The following HAL variants were observed in gnomAD, a reference collection of about 807,000 sequenced individuals.
The protein encoded by HAL is histidine ammonia-lyase.
In HAL, 85 loss-of-function variants were observed where a neutral mutation model predicts 81.1. That is an observed-to-expected ratio of 1.05 (90% CI 0.88 to 1.25). The LOEUF is 1.25. Among genes scored for constraint, HAL ranks in the 50% most tolerant of loss-of-function variants. HAL has a pLI of 0.00. For missense variants in HAL, 798 were observed against 836.6 expected, an observed-to-expected ratio of 0.95 and a Z score of 0.57; for synonymous variants, 301 against 309.2, an observed-to-expected ratio of 0.97 and a Z score of 0.28.
At chr12:95,981,547 C>G (rs1257961351) in intron 15 of HAL, among the ~76,000 whole-genome samples, 1 of 152,226 alleles carries the variant, frequency 6.6e-6, no homozygotes, top group Non-Finnish European at 1.5e-5. Flanking sequence ...CGACCTCTGC[C>G]TCCCGGGTTC....
At chr12:95,978,939 C>G (rs1038137955) in intron 17 of HAL, among the ~76,000 whole-genome samples, 1 of 152,136 alleles carries the variant, frequency 6.6e-6, no homozygotes, top group Admixed American at 6.6e-5. Flanking sequence ...GGTCATGCTA[C>G]TTTGTCAAGG....
rs554952954 is a variant in HAL, at chr12:95,993,705, C to T, written c.551+67G>A. On this transcript the variant is annotated intron_variant, in intron 7 of 20. Coordinates refer to ENST00000261208, the MANE Select transcript of HAL (RefSeq NM_002108.4). The stretch of plus-strand genomic sequence containing the variant: ...AATTGGGGCAAATGTGAATTATTTC[C>T]CTTGTTGAAAAATATTTAAAAGATG... The T allele has an allele frequency of 1.4e-4, 141 of 977,342 alleles. No homozygotes were observed. In the East Asian group the frequency reaches 3.3e-3, roughly 23 times the overall value. The allele number at this position is 977,342 out of a possible 1,614,324, so 60.5% of individuals were successfully genotyped here.
In HAL at chr12:95,995,928, AGGTCCTCAGCT is replaced by A; in HGVS notation, c.-29_-19del. On this transcript the variant is annotated 5_prime_UTR_variant, in exon 2 of 21. Coordinates refer to ENST00000261208, the MANE Select transcript of HAL (RefSeq NM_002108.4). ...CTGGGCATGGCTCCGCTGCAGCCTG[AGGTCCTCAGCT>A]GGTCACAGGAGGGGAGAGCTTTATG... 15 of 1,601,076 alleles carry A rather than the reference AGGTCCTCAGCT, an allele frequency of 9.4e-6. No homozygotes were observed. The highest frequency in any genetic ancestry group is 4.0e-5 in the African/African-American group (3 of 75,046).
At chr12:95,977,379 T>C (rs1216625927) in intron 18 of HAL, among the ~76,000 whole-genome samples, 4 of 141,156 alleles carry the variant, frequency 2.8e-5, no homozygotes, top group Admixed American at 2.4e-4. Flanking sequence ...GTTTTAAAAG[T>C]CTCATTAAAA....
At position 95,980,570 on chromosome 12, in the gene HAL, G is replaced by C. The variant is rs781581441; in HGVS notation, c.1505C>G (p.Thr502Arg). ...AGTGTCCTTACCAAGGGCTGCTGCC[G>C]TGCAGTGAGCTATCATGAACCCAGA... ...LNSGFMIAHC[T>R]AAALVSENKA... Residue 502 changes from threonine to arginine, a missense_variant, in exon 17 of 21, where the codon ACG (threonine) becomes AGG (arginine). Thr to Arg is a moderately conservative substitution (Grantham distance 71, BLOSUM62 -1). Coordinates refer to ENST00000261208, the MANE Select transcript of HAL (RefSeq NM_002108.4). 1.9e-6 allele frequency: 3 copies of C among 1,613,612 alleles called. No homozygotes were observed. The highest frequency in any genetic ancestry group is 1.1e-5 in the South Asian group (1 of 91,062).
At chr12:95,986,297 T>A (rs779332502) in intron 12 of HAL, 137 bp from the exon 13 acceptor site, 59 of 685,854 alleles carry the variant, frequency 8.6e-5, no homozygotes, top group Non-Finnish European at 1.5e-4. Flanking sequence ...CCTCCCAAAG[T>A]GCTGGGATTA....
chr12:95,987,022 C>T (rs774621664), intron 12 of HAL, 45 bp downstream of exon 12: 5 of 1,559,294 alleles, frequency 3.2e-6, no homozygotes, highest in Non-Finnish European at 4.4e-6. Flanking sequence ...CGCCCCACCA[C>T]CTCTGGTTGA....
intron 10 of HAL, chr12:95,990,169 A>G: frequency 1.7e-6 from 1 of 596,710 alleles, no homozygotes; most frequent in African/African-American, 1.8e-5. Context: ...ATGCCTTTTC[A>G]CCAAGGTGAT....
At position 95,976,425 on chromosome 12, in the gene HAL, T is replaced by C. The variant is rs750097571; in HGVS notation, c.1833+4A>G. On this transcript the variant is annotated splice_donor_region_variant and intron_variant, in intron 20 of 20. Transcript: ENST00000261208. ...TTAAGAAACAAGCCAAGGAGCCAGC[T>C]TGCCTTCTGCTCCAGGAGCAGCCTG... The C allele has an allele frequency of 5.2e-5, 84 of 1,610,342 alleles. No individual in the cohort carries two copies. Among genetic ancestry groups the C allele is most frequent in the Non-Finnish European group, 7.0e-5 (82 of 1,176,602 alleles).
In HAL at chr12:95,980,279, T is replaced by C. The variant is rs721199; in HGVS notation, c.1519+277A>G. Reference sequence around the variant, plus strand: ...AAAAAAGCTATAGAGATGAAGTTCATATGCAATGTCAAATTGCTTTCCACA... The same window carrying C: ...AAAAAAGCTATAGAGATGAAGTTCACATGCAATGTCAAATTGCTTTCCACA... On this transcript the variant is annotated intron_variant, in intron 17 of 20. Transcript: ENST00000261208. 0.62 allele frequency among the ~76,000 whole-genome samples: 94,649 copies of C among 152,120 alleles called. 30,545 individuals carry two copies. Among genetic ancestry groups the C allele is most frequent in the East Asian group, 0.91 (4,690 of 5,180 alleles).
chr12:95,986,011 T>A (rs1173529002), intron 13 of HAL, 45 bp from the exon 14 acceptor site: 1 of 1,585,312 alleles, frequency 6.3e-7, no homozygotes, highest in Non-Finnish European at 8.7e-7. Context: ...ATGTTACCAA[T>A]TCTTTTCACA....
chr12:95,985,548 C>T (rs1051795674), intron 14 of HAL, among the ~76,000 whole-genome samples: 6 of 148,980 alleles, frequency 4.0e-5, no homozygotes, highest in Non-Finnish European at 8.9e-5. Context: ...AGAGATCATG[C>T]CACTGTACTC....
intron 17 of HAL, among the ~76,000 whole-genome samples, chr12:95,979,550 G>A (rs933759682): frequency 3.3e-5 from 5 of 152,120 alleles, no homozygotes; most frequent in Admixed American, 6.6e-5. Flanking sequence ...TAGCATCTAC[G>A]CATGTAATAA....
At chr12:95,980,943 G>A (rs1237892691) in intron 15 of HAL, 80 bp from the exon 16 acceptor site, 15 of 856,852 alleles carry the variant, frequency 1.8e-5, no homozygotes, top group South Asian at 1.7e-4. Context: ...CTTTTTTAAC[G>A]TGGAGGTGGC....
chr12:95,987,725 T>C (rs910874987), intron 11 of HAL, among the ~76,000 whole-genome samples: 13 of 152,140 alleles, frequency 8.5e-5, no homozygotes, highest in Middle Eastern at 3.2e-3. Flanking sequence ...TTTTTCTTTT[T>C]TGAGACAGGG....
Position 95,980,797 on chromosome 12 carries a change from C to A in HAL, c.1353+1G>T. 1 of 1,596,422 alleles carries A rather than the reference C, an allele frequency of 6.3e-7. No homozygotes were observed. Among genetic ancestry groups the A allele is most frequent in the African/African-American group, 1.3e-5 (1 of 74,644 alleles). On this transcript the variant is annotated splice_donor_variant, in intron 16 of 20. Coordinates refer to ENST00000261208, the MANE Select transcript of HAL (RefSeq NM_002108.4). LOFTEE classifies it high-confidence loss of function. ...GTCAGGAGCAGTTTTAAAAAGCTTA[C>A]TTTGGCTGGGTATTCACCATGGAAG...
At position 95,994,914 on chromosome 12, in the gene HAL, A is replaced by T; in HGVS notation, c.308+19T>A. 6.2e-7 allele frequency: 1 copy of T among 1,609,346 alleles called. No homozygotes were observed. The highest frequency in any genetic ancestry group is 1.7e-5 in the Admixed American group (1 of 60,008). On this transcript the variant is annotated intron_variant, in intron 3 of 20. Coordinates refer to ENST00000261208, the MANE Select transcript of HAL (RefSeq NM_002108.4). ...GAGCCACCCCCAGAGCAGACCAAAG[A>T]GCCTGTGGGAAAGGATACAGATAAA...
Position 95,993,925 on chromosome 12 carries a change from C to T in HAL, c.484+1G>A, listed in dbSNP as rs746735988. The T allele has an allele frequency of 3.1e-5, 49 of 1,557,208 alleles. No homozygotes were observed. The highest frequency in any genetic ancestry group is 1.0e-4 in the Admixed American group (6 of 59,930). On this transcript the variant is annotated splice_donor_variant, in intron 6 of 20. Coordinates refer to ENST00000261208, the MANE Select transcript of HAL (RefSeq NM_002108.4). LOFTEE classifies it high-confidence loss of function. ...TTTATAACATAAAGATAAAAAGATA[C>T]CTGTTTTCTCTTTTATGATGCTATC...
Position 95,980,610 on chromosome 12 carries a change from C to A in HAL, c.1465G>T (p.Glu489Ter). The change falls in exon 17 of 21, where the codon GAA becomes TAA. Residue 489 changes from glutamate to a stop codon, truncating the protein, a stop_gained. Coordinates refer to ENST00000261208, the MANE Select transcript of HAL (RefSeq NM_002108.4). LOFTEE classifies it high-confidence loss of function. ...LSELPAFLVA[E>*]GGLNSGFMIA... ...ATGAACCCAGAGTTCAGACCACCTT[C>A]AGCCACCAGGAAGGCAGGCAGCTCA... is the stretch of plus-strand genomic sequence containing the variant. 1 of 1,614,070 alleles carries A rather than the reference C, an allele frequency of 6.2e-7. No individual in the cohort carries two copies. Among genetic ancestry groups the A allele is most frequent in the Non-Finnish European group, 8.5e-7 (1 of 1,179,954 alleles).
Sources: allele counts gnomAD v4.1 joint callset (sites outside exome capture counted in the v4.1 genomes callset), GRCh38; gene constraint gnomAD v4.1.1; transcripts MANE v1.5; gene names NCBI Gene and HGNC (gene_info 2026-07-23, HGNC 2026-07-21).